Variants in TLL1 observed in about 807,000 individuals in gnomAD.
The protein encoded by TLL1 is tolloid-like protein 1.
TLL1 carries 49 observed loss-of-function variants against 128.2 expected under a neutral mutation model. That is an observed-to-expected ratio of 0.38 (90% CI 0.30 to 0.48). TLL1 has a LOEUF of 0.48. Ranked by LOEUF, TLL1 falls within the 20% of genes least tolerant of loss-of-function variation. The pLI is 0.96. For synonymous variants in TLL1, 454 were observed against 418.8 expected, an observed-to-expected ratio of 1.08 and a Z score of -1.03; for missense variants, 1,123 against 1,242.0, an observed-to-expected ratio of 0.90 and a Z score of 1.44.
At chr4:166,029,279 T>G (rs1738643105) in intron 9 of TLL1, among the ~76,000 whole-genome samples, 1 of 152,022 alleles carries the variant, frequency 6.6e-6, no homozygotes, top group Admixed American at 6.6e-5. Context: ...ATTTGTATCT[T>G]TAGCCTCTTC....
chr4:166,045,365 G>A (rs764406048), intron 12 of TLL1, among the ~76,000 whole-genome samples: 2 of 151,868 alleles, frequency 1.3e-5, no homozygotes, highest in African/African-American at 4.8e-5. Context: ...TTTTGTCACC[G>A]CTTACCCAAG....
intron 18 of TLL1, among the ~76,000 whole-genome samples, chr4:166,079,100 G>C (rs1741170634): frequency 6.6e-6 from 1 of 152,114 alleles, no homozygotes; most frequent in African/African-American, 2.4e-5. Flanking sequence ...CACTGTTGAA[G>C]GATACTAAAT....
intron 1 of TLL1, among the ~76,000 whole-genome samples, chr4:165,894,481 A>G (rs907113804): frequency 2.6e-5 from 4 of 152,210 alleles, no homozygotes; most frequent in Non-Finnish European, 4.4e-5. Flanking sequence ...CAGCAAAAAT[A>G]TCTTTCATGA....
At position 165,873,644 on chromosome 4, in the gene TLL1, T is replaced by G. The variant is rs1010497042; in HGVS notation, c.-261T>G. The G allele has an allele frequency of 2.3e-5, 8 of 353,326 alleles. No homozygotes were observed. Among genetic ancestry groups the G allele is most frequent in the Non-Finnish European group, 3.6e-5 (7 of 194,724 alleles). 21.9% of individuals were successfully genotyped at this position (353,326 alleles called of 1,614,324 possible). On this transcript the variant is annotated 5_prime_UTR_variant, in exon 1 of 21. Transcript: ENST00000061240. ...TGCCTGCGCCCTCCCCGCCTCCGAG[T>G]GCAGAGTTCCTTACCTGCCCTCCGC...
intron 14 of TLL1, among the ~76,000 whole-genome samples, chr4:166,057,641 A>T (rs1740088796): frequency 6.6e-6 from 1 of 152,172 alleles, no homozygotes; most frequent in Non-Finnish European, 1.5e-5. Flanking sequence ...TTGTAATAGA[A>T]AGAGATTTAA....
chr4:166,069,663 C>A (rs1465431435), intron 16 of TLL1, among the ~76,000 whole-genome samples: 1 of 151,622 alleles, frequency 6.6e-6, no homozygotes, highest in African/African-American at 2.4e-5. Flanking sequence ...ATTTTTAAAA[C>A]AAACACTTTT....
intron 19 of TLL1, among the ~76,000 whole-genome samples, chr4:166,096,214 T>G (rs1200305432): frequency 3.6e-5 from 4 of 112,186 alleles, no homozygotes; most frequent in Non-Finnish European, 6.5e-5. Flanking sequence ...GTCATGGGTG[T>G]GTGTGTGTGT....
chr4:165,886,731 T>C (rs1579442224), intron 1 of TLL1, among the ~76,000 whole-genome samples: 2 of 152,236 alleles, frequency 1.3e-5, no homozygotes, highest in African/African-American at 4.8e-5. Flanking sequence ...AGTAATACTG[T>C]ATTTTTAAAA....
chr4:166,059,657 A>AT (rs202101178), intron 14 of TLL1, among the ~76,000 whole-genome samples: 2 of 151,566 alleles, frequency 1.3e-5, no homozygotes, highest in Admixed American at 6.6e-5. Context: ...CAAAAAAAAA[A>AT]TTTTTTTCCT....
At chr4:166,023,922 T>G (rs987117098) in intron 8 of TLL1, among the ~76,000 whole-genome samples, 1 of 152,060 alleles carries the variant, frequency 6.6e-6, no homozygotes, top group Admixed American at 6.5e-5. Flanking sequence ...TTTGGTTTTT[T>G]TTTTATAGAA....
rs574733637 is a variant in TLL1, at chr4:166,080,531, G to A, written c.2442+2501G>A. ...ACATAGGGGCCATGTGCTCGAGTCTGTTCTGTTGATTGTTTTGTCTCTTAG... is the reference window on the plus strand; with the variant it reads ...ACATAGGGGCCATGTGCTCGAGTCTATTCTGTTGATTGTTTTGTCTCTTAG... On this transcript the variant is annotated intron_variant, in intron 18 of 20. Transcript: ENST00000061240. Among the ~76,000 whole-genome samples, 3 of 152,082 alleles carry A rather than the reference G, an allele frequency of 2.0e-5. No homozygotes were observed. The South Asian group carries it at 6.2e-4, about 32-fold the overall frequency.
At chr4:165,998,857 A>C (rs772789065) in intron 5 of TLL1, among the ~76,000 whole-genome samples, 1 of 151,868 alleles carries the variant, frequency 6.6e-6, no homozygotes, top group African/African-American at 2.4e-5. Context: ...ATTTTGTCCC[A>C]CTTAACATAC....
intron 17 of TLL1, among the ~76,000 whole-genome samples, chr4:166,076,177 A>G (rs1003513256): frequency 1.3e-5 from 2 of 152,066 alleles, no homozygotes; most frequent in African/African-American, 2.4e-5. Context: ...GGCTTAAGCA[A>G]TTCTCCCACT....
chr4:166,017,352 G>GGTTGAT (rs1737996641), intron 8 of TLL1, among the ~76,000 whole-genome samples: 2 of 152,078 alleles, frequency 1.3e-5, no homozygotes, highest in South Asian at 4.1e-4. Flanking sequence ...TGGACATCCA[G>GGTTGAT]GTTGATTCCA....
At chr4:166,001,899 G>A (rs940202871) in intron 5 of TLL1, among the ~76,000 whole-genome samples, 2 of 151,896 alleles carry the variant, frequency 1.3e-5, no homozygotes, top group African/African-American at 4.8e-5. Flanking sequence ...CTATTTGACA[G>A]TCCAGGAGAT....
At chr4:165,952,621 G>T (rs952303560) in intron 1 of TLL1, among the ~76,000 whole-genome samples, 19 of 152,150 alleles carry the variant, frequency 1.2e-4, no homozygotes, top group Admixed American at 7.2e-4. Flanking sequence ...ATAAAGACAT[G>T]AAGTTATAGC....
In TLL1 at chr4:165,880,215, A is replaced by G. The variant is rs533616120; in HGVS notation, c.169+6142A>G. 7.9e-5 allele frequency among the ~76,000 whole-genome samples: 12 copies of G among 152,250 alleles called. No homozygotes were observed. In the East Asian group the frequency reaches 2.3e-3, roughly 29 times the overall value. On this transcript the variant is annotated intron_variant, in intron 1 of 20. Coordinates refer to ENST00000061240, the MANE Select transcript of TLL1 (RefSeq NM_012464.5). ...ATGGAATACTGACTATTGGACTTTG[A>G]GATATTGTGGACTGGCTAATGGACT... is the stretch of plus-strand genomic sequence containing the variant.
intron 1 of TLL1, among the ~76,000 whole-genome samples, chr4:165,878,607 G>A (rs987951814): frequency 6.6e-6 from 1 of 152,088 alleles, no homozygotes; most frequent in Non-Finnish European, 1.5e-5. Context: ...CCCTCAGACT[G>A]AGCAAGGTCA....
intron 12 of TLL1, among the ~76,000 whole-genome samples, chr4:166,048,579 G>A (rs1018950431): frequency 6.6e-6 from 1 of 152,134 alleles, no homozygotes; most frequent in African/African-American, 2.4e-5. Flanking sequence ...CTATTTAGCA[G>A]CAGAGTCATT....
Sources: gnomAD v4.1 joint callset for allele counts (sites outside exome capture counted in the v4.1 genomes callset) on GRCh38, gnomAD v4.1.1 for gene constraint, MANE v1.5 for transcripts, NCBI Gene and HGNC (gene_info 2026-07-23, HGNC 2026-07-21) for gene names.